The following TTC28 variants were observed in gnomAD, a reference collection of about 807,000 sequenced individuals.
The protein encoded by TTC28 is tetratricopeptide repeat protein 28.
Under a neutral mutation model 198.0 loss-of-function variants are expected in TTC28, and 61 were observed. The observed-to-expected ratio is 0.31, with a 90% confidence interval of 0.25 to 0.38. The LOEUF is 0.38. Among genes scored for constraint, TTC28 ranks in the 10% least tolerant of loss-of-function variants. TTC28 has a pLI of 1.00. For missense variants in TTC28, 2,678 were observed against 3,164.0 expected (o/e 0.85, Z 3.69); for synonymous variants, 1,171 against 1,297.8 (o/e 0.90, Z 2.10).
chr22:28,192,104 G>T (rs376412484), intron 5 of TTC28, among the ~76,000 whole-genome samples: 1 of 152,158 alleles, frequency 6.6e-6, no homozygotes, highest in Non-Finnish European at 1.5e-5. Flanking sequence ...CCAGAGGAAC[G>T]ATCAGGCAGC....
intron 12 of TTC28, among the ~76,000 whole-genome samples, chr22:28,035,195 C>G (rs1016136557): frequency 3.3e-5 from 5 of 152,156 alleles, no homozygotes; most frequent in Admixed American, 6.5e-5. Flanking sequence ...CCACCCCCCT[C>G]CAGGCTTCTT....
At chr22:28,363,442 G>A (rs2046190624) in intron 2 of TTC28, among the ~76,000 whole-genome samples, 1 of 152,192 alleles carries the variant, frequency 6.6e-6, no homozygotes. Context: ...CAGGGGTGAG[G>A]CCCTCATGGA....
chr22:28,138,602 G>T (rs1353023324), intron 6 of TTC28, among the ~76,000 whole-genome samples: 3 of 152,178 alleles, frequency 2.0e-5, no homozygotes, highest in Non-Finnish European at 2.9e-5. Flanking sequence ...GTTTAGAATT[G>T]TAAGTATACT....
intron 5 of TTC28, among the ~76,000 whole-genome samples, chr22:28,217,054 T>C (rs1001958062): frequency 6.6e-6 from 1 of 152,080 alleles, no homozygotes; most frequent in Non-Finnish European, 1.5e-5. Flanking sequence ...GATGAAACGT[T>C]TAGCTTCAGT....
At chr22:28,089,473 A>G (rs1301405175) in intron 12 of TTC28, among the ~76,000 whole-genome samples, 4 of 143,708 alleles carry the variant, frequency 2.8e-5, no homozygotes, top group Non-Finnish European at 4.5e-5. Flanking sequence ...ATGAGAACAC[A>G]TGGACACAGG....
Position 27,982,894 on chromosome 22 carries a change from G to A in TTC28, c.6773C>T (p.Ser2258Phe). 6.4e-7 allele frequency: 1 copy of A among 1,551,410 alleles called. No individual in the cohort carries two copies. The highest frequency in any genetic ancestry group is 1.4e-5 in the African/African-American group (1 of 73,164). The change falls in exon 23 of 23, where the codon TCC (serine) becomes TTC (phenylalanine). Residue 2258 changes from serine (S) to phenylalanine (F), a missense_variant. Coordinates refer to ENST00000397906, the MANE Select transcript of TTC28 (RefSeq NM_001145418.2). This position sits in a 1 kb window ranked among gnomAD's most constrained non-coding sequence, Gnocchi z 5.2. ...GTGCTGGCTCGGGCTGTCTTTGATG[G>A]ACATCTCTGAGGTGGTGGGGCTGCT... ...GYSSPTTSEM[S>F]IKDSPSQHSG...
At position 28,679,768 on chromosome 22, in the gene TTC28, C is replaced by A. The variant is rs553754213; in HGVS notation, c.-45G>T. 2,371 of 1,055,072 alleles carry A rather than the reference C, an allele frequency of 2.2e-3. 35 individuals are homozygous for A. In the African/African-American group the frequency reaches 0.033, roughly 15 times the overall value. The allele number at this position is 1,055,072 out of a possible 1,614,324, so 65.4% of individuals were successfully genotyped here. ...CGTCCGCCTCGAGCTAACGGTCCCG[C>A]CAGCTAGGCGCGCGCGCCGGTTCCG... On this transcript the variant is annotated 5_prime_UTR_variant, in exon 1 of 23. Coordinates refer to ENST00000397906, the MANE Select transcript of TTC28 (RefSeq NM_001145418.2).
rs1381427896 is a variant in TTC28, at chr22:28,284,657, T to TA, written c.933+11540dup. Among the ~76,000 whole-genome samples, 4 of 151,674 alleles carry TA rather than the reference T, an allele frequency of 2.6e-5. No homozygotes were observed. In the South Asian group the frequency reaches 6.3e-4, roughly 24 times the overall value. On this transcript the variant is annotated intron_variant, in intron 5 of 22. Coordinates refer to ENST00000397906, the MANE Select transcript of TTC28 (RefSeq NM_001145418.2). ...ATACAACTCAATTGCAAAAAATAAA[T>TA]AAAAATAACCCAATTTAAAAAAAGC... is the stretch of plus-strand genomic sequence containing the variant.
intron 1 of TTC28, among the ~76,000 whole-genome samples, chr22:28,677,549 G>C (rs532974906): frequency 2.4e-4 from 36 of 152,250 alleles, no homozygotes; most frequent in African/African-American, 8.4e-4. Flanking sequence ...TGAGGCATTA[G>C]AATCGCTGGA....
intron 10 of TTC28, among the ~76,000 whole-genome samples, chr22:28,098,386 C>A (rs1942035255): frequency 6.6e-6 from 1 of 152,148 alleles, no homozygotes. Flanking sequence ...CTCAAGGACA[C>A]TTTCTCTGGC....
At chr22:28,200,487 T>G (rs995299080) in intron 5 of TTC28, among the ~76,000 whole-genome samples, 6 of 152,040 alleles carry the variant, frequency 3.9e-5, no homozygotes, top group African/African-American at 1.4e-4. Flanking sequence ...AAGAATAAAT[T>G]AGGACCAAAT....
chr22:28,211,002 C>G (rs192034447), intron 5 of TTC28, among the ~76,000 whole-genome samples: 1 of 151,890 alleles, frequency 6.6e-6, no homozygotes, highest in Admixed American at 6.6e-5. Flanking sequence ...AAAAGAATTT[C>G]CAACCCAGAA....
At position 27,982,356 on chromosome 22, in the gene TTC28, C is replaced by T. The variant is rs760631647; in HGVS notation, c.7311G>A (p.Glu2437=). The change falls in exon 23 of 23, where the codon GAG becomes GAA. Residue 2437 remains glutamate (E), a synonymous_variant. Coordinates refer to ENST00000397906, the MANE Select transcript of TTC28 (RefSeq NM_001145418.2). The surrounding 1 kb of genome is among the most constrained non-coding windows in gnomAD (Gnocchi z 5.2). The part of the protein sequence containing the change: ...KAPPNGHWRT[E]TTSLGSLPLP... ...GCGGCAGTGAGCCCAGCGAGGTGGT[C>T]TCGGTGCGCCAGTGTCCGTTGGGAG... is the stretch of plus-strand genomic sequence containing the variant. The T allele has an allele frequency of 1.0e-5, 16 of 1,548,434 alleles. No individual in the cohort carries two copies. The highest frequency in any genetic ancestry group is 1.7e-4 in the Middle Eastern group (1 of 5,982).
intron 14 of TTC28, among the ~76,000 whole-genome samples, chr22:28,004,907 T>G (rs1601508298): frequency 6.6e-6 from 1 of 152,300 alleles, no homozygotes; most frequent in East Asian, 1.9e-4. Context: ...GGAAACACTA[T>G]TCAGCACCTG....
intron 2 of TTC28, among the ~76,000 whole-genome samples, chr22:28,510,947 AAG>A (rs756531027): frequency 6.6e-6 from 1 of 152,126 alleles, no homozygotes; most frequent in Non-Finnish European, 1.5e-5. Flanking sequence ...TACAGCTAAC[AAG>A]AGAGGCGAAG....
intron 1 of TTC28, among the ~76,000 whole-genome samples, chr22:28,640,806 G>A (rs547499300): frequency 1.2e-3 from 178 of 152,110 alleles, no homozygotes; most frequent in African/African-American, 4.0e-3. Flanking sequence ...GAAATAGTAC[G>A]GCAGGTCCTA....
At chr22:28,542,284 G>A (rs1324894341) in intron 2 of TTC28, among the ~76,000 whole-genome samples, 1 of 152,034 alleles carries the variant, frequency 6.6e-6, no homozygotes, top group Non-Finnish European at 1.5e-5. Flanking sequence ...CACAAAGACT[G>A]AATAAAAATA....
chr22:28,014,186 C>A, intron 14 of TTC28, 62 bp downstream of exon 14: 1 of 1,497,788 alleles, frequency 6.7e-7, no homozygotes, highest in Non-Finnish European at 8.9e-7. Flanking sequence ...TACATGTGGG[C>A]GCTGACTGGT....
At chr22:28,469,328 G>A (rs1221618035) in intron 2 of TTC28, among the ~76,000 whole-genome samples, 1 of 152,186 alleles carries the variant, frequency 6.6e-6, no homozygotes, top group Non-Finnish European at 1.5e-5. Flanking sequence ...GGAGAACCAC[G>A]AAGAACTGCA....
Sources: gnomAD v4.1 joint callset for allele counts (sites outside exome capture counted in the v4.1 genomes callset) on GRCh38, gnomAD v4.1.1 for gene constraint, Gnocchi (gnomAD v3.1) non-coding constraint, MANE v1.5 for transcripts, NCBI Gene and HGNC (gene_info 2026-07-23, HGNC 2026-07-21) for gene names.